DENND1A: variants seen among roughly 807,000 people sequenced by gnomAD.
The protein encoded by DENND1A is DENN domain-containing protein 1A.
Under a neutral mutation model 113.7 loss-of-function variants are expected in DENND1A, and 51 were observed. The observed-to-expected ratio is 0.45, with a 90% CI of 0.36 to 0.57. DENND1A has a LOEUF of 0.57. Ranked by LOEUF, DENND1A falls within the 20% of genes least tolerant of loss-of-function variation. The pLI is 0.00. For missense variants in DENND1A, 1,258 were observed against 1,395.9 expected, an observed-to-expected ratio of 0.90 and a Z score of 1.57; for synonymous variants, 565 against 570.8, an observed-to-expected ratio of 0.99 and a Z score of 0.14.
chr9:123,694,073 A>C (rs1364384181), intron 5 of DENND1A, among the ~76,000 whole-genome samples: 3 of 151,482 alleles, frequency 2.0e-5, no homozygotes, highest in African/African-American at 7.3e-5. Flanking sequence ...TGACCTTGTG[A>C]TATGCCTGCC....
chr9:123,854,198 C>G (rs1409431124), intron 2 of DENND1A, among the ~76,000 whole-genome samples: 1 of 152,172 alleles, frequency 6.6e-6, no homozygotes, highest in African/African-American at 2.4e-5. Context: ...CAAAAATCAA[C>G]CTTGCTGGTC....
chr9:123,636,399 C>T (rs139203341), intron 9 of DENND1A, among the ~76,000 whole-genome samples: 1 of 152,084 alleles, frequency 6.6e-6, no homozygotes, highest in African/African-American at 2.4e-5. Context: ...TCACTGCAAC[C>T]TCTGCCTCCC....
At chr9:123,711,505 G>GTATGTATATATATA (rs2066605429) in intron 5 of DENND1A, among the ~76,000 whole-genome samples, 19 of 62,542 alleles carry the variant, frequency 3.0e-4, no homozygotes, top group African/African-American at 1.6e-3. Flanking sequence ...ATATATATAT[G>GTATGTATATATATA]TATATATGTA....
chr9:123,416,968 G>A (rs2044778653), intron 19 of DENND1A, among the ~76,000 whole-genome samples: 2 of 152,382 alleles, frequency 1.3e-5, no homozygotes, highest in African/African-American at 2.4e-5. Flanking sequence ...TATTGGTGGG[G>A]TAAACCCCAA....
chr9:123,625,191 G>A (rs1053853162), intron 10 of DENND1A, among the ~76,000 whole-genome samples: 7 of 152,134 alleles, frequency 4.6e-5, no homozygotes, highest in Non-Finnish European at 7.3e-5. Context: ...TCTGTATCAG[G>A]AAAAGTTACT....
chr9:123,487,928 C>T (rs1341087128), intron 13 of DENND1A, among the ~76,000 whole-genome samples: 1 of 152,198 alleles, frequency 6.6e-6, no homozygotes, highest in Admixed American at 6.5e-5. Context: ...TGGGCAAATG[C>T]CTCCTCCTCT....
intron 2 of DENND1A, among the ~76,000 whole-genome samples, chr9:123,827,872 TA>T (rs1487646459): frequency 6.6e-6 from 1 of 152,174 alleles, no homozygotes; most frequent in African/African-American, 2.4e-5. Context: ...AGACAATTGC[TA>T]GCATGACTAG....
intron 13 of DENND1A, among the ~76,000 whole-genome samples, chr9:123,536,482 A>AAG (rs2055786174): frequency 6.6e-6 from 1 of 151,176 alleles, no homozygotes; most frequent in African/African-American, 2.4e-5. Context: ...AAAAAAAAAA[A>AAG]GAAAAAGAAA....
chr9:123,587,564 C>T (rs909353757), intron 11 of DENND1A, among the ~76,000 whole-genome samples: 11 of 152,104 alleles, frequency 7.2e-5, no homozygotes, highest in Middle Eastern at 3.2e-3. Context: ...TATGGACAGG[C>T]GTCCCCCCAT....
intron 21 of DENND1A, among the ~76,000 whole-genome samples, chr9:123,397,999 T>C (rs998364443): frequency 6.6e-6 from 1 of 152,202 alleles, no homozygotes; most frequent in Non-Finnish European, 1.5e-5. Flanking sequence ...AGACAAGGTG[T>C]GCAGTCGAAA....
intron 2 of DENND1A, among the ~76,000 whole-genome samples, chr9:123,827,273 G>A (rs1839474729): frequency 6.6e-6 from 1 of 151,478 alleles, no homozygotes. Flanking sequence ...ATAATGTCAG[G>A]GTACTTGTTA....
At chr9:123,863,635 A>G (rs964534178) in intron 2 of DENND1A, among the ~76,000 whole-genome samples, 3 of 152,152 alleles carry the variant, frequency 2.0e-5, no homozygotes, top group African/African-American at 7.2e-5. Flanking sequence ...ACTAAATTGT[A>G]TTACCATCTT....
intron 11 of DENND1A, among the ~76,000 whole-genome samples, chr9:123,598,477 A>AAAC (rs2059800308): frequency 6.6e-6 from 1 of 150,838 alleles, no homozygotes; most frequent in African/African-American, 2.4e-5. Flanking sequence ...AAAAAAAAAA[A>AAAC]CCAACCCCAA....
At chr9:123,849,788 A>G (rs574859822) in intron 2 of DENND1A, among the ~76,000 whole-genome samples, 1 of 152,248 alleles carries the variant, frequency 6.6e-6, no homozygotes, top group Admixed American at 6.5e-5. Context: ...GGAGGTCAAA[A>G]TACCAACATT....
intron 19 of DENND1A, among the ~76,000 whole-genome samples, chr9:123,416,615 T>A (rs2044746610): frequency 1.3e-5 from 2 of 152,242 alleles, no homozygotes; most frequent in South Asian, 4.1e-4. Flanking sequence ...TTTGGCGATC[T>A]TTTGCTAAGG....
intron 8 of DENND1A, among the ~76,000 whole-genome samples, chr9:123,657,515 T>C (rs2063018656): frequency 6.6e-6 from 1 of 152,192 alleles, no homozygotes; most frequent in African/African-American, 2.4e-5. Flanking sequence ...ACCAAAGAAC[T>C]GACTCTAAGC....
At chr9:123,549,456 T>A (rs898209070) in intron 13 of DENND1A, among the ~76,000 whole-genome samples, 2 of 152,046 alleles carry the variant, frequency 1.3e-5, no homozygotes, top group Non-Finnish European at 2.9e-5. Context: ...TCTTTTTCCA[T>A]CTTGAGCCAC....
At chr9:123,894,178 T>G (rs1450856317) in intron 1 of DENND1A, among the ~76,000 whole-genome samples, 3 of 152,234 alleles carry the variant, frequency 2.0e-5, no homozygotes, top group Non-Finnish European at 4.4e-5. Flanking sequence ...GGTGAATTTG[T>G]TAAGTGAATG....
chr9:123,468,636 C>A (rs544248482), intron 13 of DENND1A, among the ~76,000 whole-genome samples: 12 of 152,344 alleles, frequency 7.9e-5, no homozygotes, highest in African/African-American at 2.4e-4. Context: ...CTTCTTCTTA[C>A]AGGGTCAGCT....
Sources: gnomAD v4.1 joint callset for allele counts (sites outside exome capture counted in the v4.1 genomes callset) on GRCh38, gnomAD v4.1.1 for gene constraint, MANE v1.5 for transcripts, NCBI Gene and HGNC (gene_info 2026-07-23, HGNC 2026-07-21) for gene names.